FER1L6: variants seen among roughly 807,000 people sequenced by gnomAD.
FER1L6 encodes the protein fer-1 like family member 6, also known as fer-1-like protein 6.
In FER1L6, 177 loss-of-function variants were observed where a neutral mutation model predicts 219.2. The observed-to-expected ratio is 0.81, with a 90% CI of 0.71 to 0.91. The LOEUF (loss-of-function observed/expected upper bound fraction) is 0.91, where lower values mean the gene tolerates loss of function less well. FER1L6 is among the 40% of genes least tolerant of loss of function. FER1L6 has a pLI of 0.00. For synonymous variants in FER1L6, 768 were observed against 824.3 expected (o/e 0.93, Z 1.17); for missense variants, 2,153 against 2,259.9 (o/e 0.95, Z 0.96).
In FER1L6 at chr8:124,064,540, A is replaced by T; in HGVS notation, c.3522A>T (p.Val1174=). ...SPMLEPEHTP[V]AQEPPKDGKP... is the part of the protein sequence containing the mutation. ...TGCTGGAGCCTGAACACACACCTGTAGCCCAGGAGCCACCAAAAGATGGAA... is the reference window on the plus strand; with the variant it reads ...TGCTGGAGCCTGAACACACACCTGTTGCCCAGGAGCCACCAAAAGATGGAA... Residue 1174 remains valine (V), a synonymous_variant, in exon 26 of 41, where the codon GTA becomes GTT. Coordinates refer to ENST00000522917, the MANE Select transcript of FER1L6 (RefSeq NM_001039112.2). 6.2e-7 allele frequency: 1 copy of T among 1,609,886 alleles called. No homozygotes were observed.
chr8:123,870,525 A>G, intron 1 of FER1L6, among the ~76,000 whole-genome samples: 1 of 152,220 alleles, frequency 6.6e-6, no homozygotes, highest in East Asian at 1.9e-4. Flanking sequence ...TACATCTTCA[A>G]TGCATATTGC....
At position 124,077,914 on chromosome 8, in the gene FER1L6, C is replaced by A. The variant is rs117412984; in HGVS notation, c.4220+1589C>A. On this transcript the variant is annotated intron_variant, in intron 32 of 40. Coordinates refer to ENST00000522917, the MANE Select transcript of FER1L6 (RefSeq NM_001039112.2). The stretch of plus-strand genomic sequence containing the variant: ...TTGAGCCAGGGTCTGCGGAATCCTT[C>A]CTCATAACTTCAGTGCCTCAGTATC... 9.0e-3 allele frequency among the ~76,000 whole-genome samples: 1,378 copies of A among 152,302 alleles called. 9 individuals carry two copies. The highest frequency in any genetic ancestry group is 0.048 in the Middle Eastern group (14 of 294).
At chr8:124,071,373 C>A in intron 30 of FER1L6, 133 bp from the exon 31 acceptor site, 10 of 1,147,340 alleles carry the variant, frequency 8.7e-6, no homozygotes, top group Non-Finnish European at 1.3e-5. Flanking sequence ...GGACACCCAA[C>A]TGGCAAGTTT....
rs563250856 is a variant in FER1L6 at position 123,983,892 on chromosome 8, G to A, written c.1411-2176G>A. Among the ~76,000 whole-genome samples, 6 of 152,320 alleles carry A rather than the reference G, an allele frequency of 3.9e-5. No individual in the cohort carries two copies. The East Asian group carries it at 1.2e-3, about 29-fold the overall frequency. On this transcript the variant is annotated intron_variant, in intron 11 of 40. Coordinates refer to ENST00000522917, the MANE Select transcript of FER1L6 (RefSeq NM_001039112.2). ...CTGCAGTGTCATTGTCTGTGAGTGA[G>A]TAAAGTAGAAATGCCTCTTTCCTGC...
chr8:123,869,055 A>C (rs1007883728), intron 1 of FER1L6, among the ~76,000 whole-genome samples: 6 of 152,264 alleles, frequency 3.9e-5, no homozygotes, highest in African/African-American at 1.4e-4. Context: ...GCTTAAGGTG[A>C]CTAAGATGAA....
intron 1 of FER1L6, among the ~76,000 whole-genome samples, chr8:123,946,969 A>G (rs1202912214): frequency 2.6e-5 from 4 of 152,146 alleles, no homozygotes; most frequent in Admixed American, 6.5e-5. Flanking sequence ...TTGAATGACT[A>G]TAAGAGACTG....
At chr8:124,106,630 C>T (rs1262184388) in intron 39 of FER1L6, among the ~76,000 whole-genome samples, 1 of 152,084 alleles carries the variant, frequency 6.6e-6, no homozygotes, top group African/African-American at 2.4e-5. Flanking sequence ...ACTCCTAGTC[C>T]TTAAATATTT....
chr8:124,011,755 G>C (rs1042389459), intron 14 of FER1L6, among the ~76,000 whole-genome samples: 4 of 152,014 alleles, frequency 2.6e-5, no homozygotes, highest in Non-Finnish European at 5.9e-5. Context: ...AAATTGCTGG[G>C]GTGATAGGCA....
chr8:124,095,820 A>G (rs1822261057), intron 35 of FER1L6, among the ~76,000 whole-genome samples: 1 of 152,218 alleles, frequency 6.6e-6, no homozygotes, highest in African/African-American at 2.4e-5. Flanking sequence ...GCTTATTATG[A>G]TCCTCACTTT....
intron 3 of FER1L6, 140 bp from the exon 4 acceptor site, chr8:123,965,867 A>C (rs1033085475): frequency 3.6e-5 from 28 of 778,720 alleles, no homozygotes; most frequent in Non-Finnish European, 5.7e-5. Context: ...TTGTCCGCTT[A>C]TACTTATCTC....
intron 12 of FER1L6, among the ~76,000 whole-genome samples, chr8:123,995,738 C>G (rs1358642908): frequency 6.6e-6 from 1 of 152,030 alleles, no homozygotes; most frequent in African/African-American, 2.4e-5. Context: ...TTTTTCAACT[C>G]TTTAAGATGC....
chr8:123,986,726 T>C (rs1250574378), intron 12 of FER1L6, among the ~76,000 whole-genome samples: 2 of 152,190 alleles, frequency 1.3e-5, no homozygotes, highest in African/African-American at 2.4e-5. Context: ...TTTAATTGTT[T>C]TAATTTTTAG....
intron 39 of FER1L6, among the ~76,000 whole-genome samples, chr8:124,118,339 G>A (rs1327137809): frequency 6.6e-6 from 1 of 152,182 alleles, no homozygotes; most frequent in Non-Finnish European, 1.5e-5. Context: ...GAGGGAGGGA[G>A]TGCTATAATA....
chr8:123,975,345 A>G (rs1433628540), intron 8 of FER1L6, 39 bp downstream of exon 8: 1 of 1,536,204 alleles, frequency 6.5e-7, no homozygotes, highest in Non-Finnish European at 8.8e-7. Flanking sequence ...TAGAAATGAT[A>G]TGTCCAATTT....
intron 5 of FER1L6, among the ~76,000 whole-genome samples, chr8:123,966,836 C>T (rs372642890): frequency 3.3e-5 from 5 of 152,150 alleles, no homozygotes; most frequent in South Asian, 2.1e-4. Flanking sequence ...AATCCCAGCA[C>T]TTTGGGAGGC....
intron 39 of FER1L6, among the ~76,000 whole-genome samples, chr8:124,108,556 C>T (rs897178594): frequency 3.3e-5 from 5 of 152,134 alleles, no homozygotes; most frequent in Non-Finnish European, 7.4e-5. Context: ...ATTTTAACAT[C>T]TAATCCTTAG....
At chr8:124,107,970 G>C (rs1200306246) in intron 39 of FER1L6, among the ~76,000 whole-genome samples, 1 of 152,194 alleles carries the variant, frequency 6.6e-6, no homozygotes, top group East Asian at 1.9e-4. Flanking sequence ...AGTTTTAAAA[G>C]CTTTCTGGAT....
chr8:124,097,339 C>G lies in FER1L6; in HGVS notation c.4764C>G (p.Ile1588Met). Residue 1588 changes from isoleucine to methionine, a missense_variant, in exon 36 of 41, where the codon ATC becomes ATG. Ile to Met is a conservative substitution (Grantham distance 10). Transcript: ENST00000522917. ...CTCAACCTGGACCTCCTGTTGACAT[C>G]TCTCCAAGGCGACCCAAAGGGTATG... Reference protein sequence around the residue: ...DMPQPGPPVDISPRRPKGYEL... With the variant: ...DMPQPGPPVDMSPRRPKGYEL... 6.2e-7 allele frequency: 1 copy of G among 1,612,872 alleles called. No individual in the cohort carries two copies. The highest frequency in any genetic ancestry group is 8.5e-7 in the Non-Finnish European group (1 of 1,179,140).
intron 13 of FER1L6, among the ~76,000 whole-genome samples, chr8:124,006,429 T>C (rs111349111): frequency 1.1e-3 from 166 of 152,300 alleles, no homozygotes; most frequent in African/African-American, 3.8e-3. Flanking sequence ...TCTGTCTATA[T>C]AGTGGCAAGC....
Sources: gnomAD v4.1 joint callset for allele counts (sites outside exome capture counted in the v4.1 genomes callset) on GRCh38, gnomAD v4.1.1 for gene constraint, MANE v1.5 for transcripts, NCBI Gene and HGNC (gene_info 2026-07-23, HGNC 2026-07-21) for gene names.